MAPK10: variants seen among roughly 807,000 people sequenced by gnomAD.
MAPK10 encodes the protein mitogen-activated protein kinase 10, also known as JNK3 alpha protein kinase.
MAPK10 carries 25 observed loss-of-function variants against 59.3 expected under a neutral mutation model. The observed-to-expected ratio is 0.42, with a 90% CI of 0.31 to 0.59. The LOEUF (loss-of-function observed/expected upper bound fraction) is 0.59, where lower values mean the gene tolerates loss of function less well. MAPK10 is among the 20% of genes least tolerant of loss of function. MAPK10 has a pLI of 0.15. For missense variants in MAPK10, 351 were observed against 568.9 expected (o/e 0.62, Z 3.90); for synonymous variants, 190 against 200.5 (o/e 0.95, Z 0.44).
intron 1 of MAPK10, among the ~76,000 whole-genome samples, chr4:86,565,856 T>C (rs1041247744): frequency 2.0e-5 from 3 of 152,172 alleles, no homozygotes; most frequent in African/African-American, 7.2e-5. Flanking sequence ...CTTCAACTAC[T>C]TCCTTAAATA....
intron 9 of MAPK10, among the ~76,000 whole-genome samples, chr4:86,096,231 C>G (rs1426396676): frequency 6.6e-6 from 1 of 151,524 alleles, no homozygotes; most frequent in Admixed American, 6.6e-5. Context: ...TATTAATTTT[C>G]ACACAATTTA....
intron 12 of MAPK10, 44 bp from the exon 13 acceptor site, chr4:86,029,318 TCATCCA>T (rs1752052354): frequency 6.5e-6 from 8 of 1,225,326 alleles, no homozygotes; most frequent in South Asian, 4.8e-5. Context: ...AATTTATCCT[TCATCCA>T]CAGGGAAATT....
At chr4:86,190,958 C>T (rs9994380) in intron 3 of MAPK10, among the ~76,000 whole-genome samples, 4,534 of 152,054 alleles carry the variant, frequency 0.03, 155 homozygotes, top group African/African-American at 0.083. Context: ...TTGTTCTCCT[C>T]AATTTCAAAT....
chr4:86,477,874 C>A lies in MAPK10; in HGVS notation c.-263+116036G>T, dbSNP rs180842103. 1.5e-3 allele frequency among the ~76,000 whole-genome samples: 221 copies of A among 152,306 alleles called. 2 individuals carry two copies. The highest frequency in any genetic ancestry group is 5.0e-3 in the African/African-American group (209 of 41,552). ...TACTATTCCTTTGCACCCTTCGTCC[C>A]AGCCTCTCTTTGCTTTCACTTGGAC... On this transcript the variant is annotated intron_variant, in intron 1 of 4. Coordinates refer to the MAPK10 transcript ENST00000502302.
chr4:86,479,281 C>T (rs966849084), intron 1 of MAPK10, among the ~76,000 whole-genome samples: 11 of 151,942 alleles, frequency 7.2e-5, no homozygotes, highest in Non-Finnish European at 1.3e-4. Flanking sequence ...CTTTTAAAAC[C>T]ACACCTTACC....
chr4:86,548,260 A>G (rs905043186), intron 1 of MAPK10, among the ~76,000 whole-genome samples: 1 of 152,120 alleles, frequency 6.6e-6, no homozygotes, highest in Non-Finnish European at 1.5e-5. Context: ...AAAGGTCCGC[A>G]GTTTCACTCC....
chr4:86,035,610 T>A (rs1248663688), intron 11 of MAPK10, among the ~76,000 whole-genome samples: 1 of 151,518 alleles, frequency 6.6e-6, no homozygotes, highest in Admixed American at 6.6e-5. Flanking sequence ...AAGACACAGA[T>A]TCAGGAATAA....
chr4:86,481,772 G>C (rs1488819375), intron 1 of MAPK10, among the ~76,000 whole-genome samples: 1 of 152,154 alleles, frequency 6.6e-6, no homozygotes, highest in Non-Finnish European at 1.5e-5. Flanking sequence ...TTTTAAGAAG[G>C]CAAGAAATTC....
intron 11 of MAPK10, among the ~76,000 whole-genome samples, chr4:86,043,863 T>A (rs1486596877): frequency 6.6e-6 from 1 of 152,118 alleles, no homozygotes; most frequent in African/African-American, 2.4e-5. Flanking sequence ...GTGACAAACC[T>A]CCTATTCCAA....
At chr4:86,360,699 G>T (rs1419998376), upstream of MAPK10, among the ~76,000 whole-genome samples, 1 of 151,994 alleles carries the variant, frequency 6.6e-6, no homozygotes, top group African/African-American at 2.4e-5. Flanking sequence ...ATTTTCTAGA[G>T]AACTGATGAA....
At chr4:86,350,394 T>G in intron 2 of MAPK10, among the ~76,000 whole-genome samples, 1 of 152,164 alleles carries the variant, frequency 6.6e-6, no homozygotes, top group Non-Finnish European at 1.5e-5. Context: ...TTTTCTATTT[T>G]TAGTAGAGAT....
intron 1 of MAPK10, among the ~76,000 whole-genome samples, chr4:86,408,390 A>T (rs1399793027): frequency 6.6e-6 from 1 of 152,216 alleles, no homozygotes; most frequent in Non-Finnish European, 1.5e-5. Flanking sequence ...TAGTAGCATG[A>T]TTAAAAATCC....
chr4:86,298,451 A>C (rs554108916), intron 2 of MAPK10, among the ~76,000 whole-genome samples: 2 of 152,336 alleles, frequency 1.3e-5, no homozygotes, highest in East Asian at 3.9e-4. Context: ...TCCTCTAGCC[A>C]TCAGGAAGGC....
chr4:86,177,699 C>G (rs919372798), intron 3 of MAPK10, among the ~76,000 whole-genome samples: 1 of 151,992 alleles, frequency 6.6e-6, no homozygotes, highest in Admixed American at 6.6e-5. Flanking sequence ...CCCTTGTTTA[C>G]TAGTTTCCAG....
intron 1 of MAPK10, among the ~76,000 whole-genome samples, chr4:86,380,777 T>C (rs561084344): frequency 6.6e-6 from 1 of 151,634 alleles, no homozygotes; most frequent in African/African-American, 2.4e-5. Flanking sequence ...CCAGACATTT[T>C]CAATCCTGAC....
intron 1 of MAPK10, among the ~76,000 whole-genome samples, chr4:86,533,123 A>T (rs1757961779): frequency 1.3e-5 from 2 of 152,228 alleles, no homozygotes; most frequent in African/African-American, 4.8e-5. Flanking sequence ...CCTTAAAAAC[A>T]TTATGCTAAG....
chr4:86,176,636 T>TTTTTAGAAAAAATTTTTAGAAAA (rs2075739305), intron 3 of MAPK10, among the ~76,000 whole-genome samples: 2 of 137,062 alleles, frequency 1.5e-5, no homozygotes, highest in Non-Finnish European at 3.0e-5. Context: ...AACTACTTAA[T>TTTTTAGAAAAAATTTTTAGAAAA]AAATTTTTAG....
chr4:86,562,970 T>C (rs772114523), intron 1 of MAPK10, among the ~76,000 whole-genome samples: 3 of 152,228 alleles, frequency 2.0e-5, no homozygotes, highest in Non-Finnish European at 4.4e-5. Flanking sequence ...TTTAAGCTCC[T>C]TCTTTGTATA....
chr4:86,236,145 G>A (rs564360496), intron 2 of MAPK10, among the ~76,000 whole-genome samples: 2 of 152,170 alleles, frequency 1.3e-5, no homozygotes, highest in East Asian at 3.9e-4. Flanking sequence ...GTCTCCTGTT[G>A]ATCTTGACCT....
Sources: gnomAD v4.1 joint callset for allele counts (sites outside exome capture counted in the v4.1 genomes callset) on GRCh38, gnomAD v4.1.1 for gene constraint, MANE v1.5 for transcripts, NCBI Gene and HGNC (gene_info 2026-07-23, HGNC 2026-07-21) for gene names.